The following CCDC117 variants were observed in gnomAD, a reference collection of about 807,000 sequenced individuals.
CCDC117 encodes the protein coiled-coil domain containing 117.
Under a neutral mutation model 23.5 loss-of-function variants are expected in CCDC117, and 1 was observed. The ratio of observed to expected loss-of-function variants is 0.04; its 90% confidence interval spans 0.02 to 0.20. The LOEUF is 0.20. Ranked by LOEUF, CCDC117 falls within the 10% of genes least tolerant of loss-of-function variation. The pLI, the probability that CCDC117 is intolerant of heterozygous loss-of-function variation, is 1.00. For synonymous variants in CCDC117, 132 were observed against 124.8 expected (o/e 1.06, Z -0.39); for missense variants, 383 against 348.2 (o/e 1.10, Z -0.80).
rs769663128 is a variant in CCDC117 at position 28,786,471 on chromosome 22, T to C, written c.*145T>C. 1.0e-5 allele frequency: 6 copies of C among 602,722 alleles called. No homozygotes were observed. Among genetic ancestry groups the C allele is most frequent in the Admixed American group, 6.6e-5 (2 of 30,134 alleles). The allele number at this position is 602,722 out of a possible 1,614,324, so 37.3% of individuals were successfully genotyped here. A position where few individuals can be genotyped will look rare whatever the true frequency, so the allele number is the denominator to read the frequency against. On this transcript the variant is annotated 3_prime_UTR_variant, in exon 5 of 5. Transcript: ENST00000249064. ...CTGTGATTTGGGGGTGGGACTCTTA[T>C]TTTGGGTAGCCATTTATTGACTTCA... is the stretch of plus-strand genomic sequence containing the variant.
intron 4 of CCDC117, among the ~76,000 whole-genome samples, chr22:28,784,589 T>C (rs1307759544): frequency 1.3e-5 from 2 of 152,186 alleles, no homozygotes; most frequent in African/African-American, 4.8e-5. Flanking sequence ...AGCTGCTATT[T>C]GGTCTTTGAT....
Position 28,776,456 on chromosome 22 carries a change from TC to T in CCDC117, c.239+2679del, listed in dbSNP as rs2031163858. 3.3e-5 allele frequency among the ~76,000 whole-genome samples: 5 copies of T among 151,982 alleles called. 1 individual carries two copies. The highest frequency in any genetic ancestry group is 2.6e-4 in the Admixed American group (4 of 15,254). On this transcript the variant is annotated intron_variant, in intron 2 of 4. Coordinates refer to ENST00000249064, the MANE Select transcript of CCDC117 (RefSeq NM_173510.4). ...TTTTTTTTTTTCCCTGGAGTTTTGC[TC>T]TGTTGCTCAGGCTGGAGTGCAGTAG... is the stretch of plus-strand genomic sequence containing the variant.
Position 28,781,343 on chromosome 22 carries a change from T to TTTTTG in CCDC117, c.464+175_464+176insGTTTT, listed in dbSNP as rs2031322568. 1.1e-3 allele frequency among the ~76,000 whole-genome samples: 7 copies of TTTTTG among 6,450 alleles called. 1 individual carries two copies. The highest frequency in any genetic ancestry group is 4.7e-3 in the African/African-American group (4 of 844). 4.2% of individuals were successfully genotyped at this position (6,450 alleles called of 152,430 possible). On this transcript the variant is annotated intron_variant, in intron 3 of 4. Transcript: ENST00000249064. ...TTTTGTTTTTTTGTTTTGTTTTTTTTTTTTTTTTTTTTTTTTTTTTTTTTT... is the reference window on the plus strand; with the variant it reads ...TTTTGTTTTTTTGTTTTGTTTTTTTTTTTTGTTTTTTTTTTTTTTTTTTTTTTTTT...
rs569737043 is a variant in CCDC117 at position 28,784,691 on chromosome 22, G to A, written c.602+1046G>A. Among the ~76,000 whole-genome samples the A allele has an allele frequency of 5.3e-5, 8 of 152,300 alleles. No homozygotes were observed. In the South Asian group the frequency reaches 8.3e-4, roughly 16 times the overall value. On this transcript the variant is annotated intron_variant, in intron 4 of 4. Transcript: ENST00000249064. The stretch of plus-strand genomic sequence containing the variant: ...AAATAGCCAGAAGTAAGCTGGTCAC[G>A]TTGCCCTCCAGCCTAAAATATAGCA...
chr22:28,781,228 T>A (rs978314339), intron 3 of CCDC117, 56 bp downstream of exon 3: 2 of 972,962 alleles, frequency 2.1e-6, no homozygotes, highest in Non-Finnish European at 3.2e-6. Context: ...ATAACTCTGC[T>A]CATATAAGCT....
chr22:28,785,102 G>C (rs2031471926), intron 4 of CCDC117, among the ~76,000 whole-genome samples: 1 of 151,936 alleles, frequency 6.6e-6, no homozygotes, highest in Non-Finnish European at 1.5e-5. Flanking sequence ...TTTTATTTTT[G>C]CTTCGTCTTT....
At chr22:28,781,829 G>C (rs1399206638) in intron 3 of CCDC117, among the ~76,000 whole-genome samples, 2 of 150,514 alleles carry the variant, frequency 1.3e-5, no homozygotes, top group African/African-American at 4.9e-5. Flanking sequence ...TTTTAATAGA[G>C]ATGGGGTTTC....
At chr22:28,782,250 C>CTTTTTTTTTTTTTTTTT (rs34670753) in intron 3 of CCDC117, among the ~76,000 whole-genome samples, 2 of 80,316 alleles carry the variant, frequency 2.5e-5, no homozygotes, top group African/African-American at 1.2e-4. Context: ...TCTACTGAGC[C>CTTTTTTTTTTTTTTTTT]TTTTTTTTTT....
At chr22:28,777,201 A>G (rs1408805098) in intron 2 of CCDC117, among the ~76,000 whole-genome samples, 1 of 151,034 alleles carries the variant, frequency 6.6e-6, no homozygotes, top group Non-Finnish European at 1.5e-5. Flanking sequence ...AATTTTTTGT[A>G]TCTTTGGTAC....
In CCDC117 at chr22:28,772,834, C is replaced by G; in HGVS notation, c.-16C>G. On this transcript the variant is annotated 5_prime_UTR_variant, in exon 1 of 5. Coordinates refer to ENST00000249064, the MANE Select transcript of CCDC117 (RefSeq NM_173510.4). ...GCGGCCGAGGCCGCCGTCGCAGCCT[C>G]CTCGTCTCGCCGGCTATGGCTGCGC... is the stretch of plus-strand genomic sequence containing the variant. 1 of 1,225,804 alleles carries G rather than the reference C, an allele frequency of 8.2e-7. No homozygotes were observed. 75.9% of individuals were successfully genotyped at this position (1,225,804 alleles called of 1,614,324 possible).
At chr22:28,782,773 T>C (rs1480390396) in intron 3 of CCDC117, among the ~76,000 whole-genome samples, 1 of 152,036 alleles carries the variant, frequency 6.6e-6, no homozygotes, top group Non-Finnish European at 1.5e-5. Flanking sequence ...GGTTTTGTGA[T>C]GTTGGCCAGG....
At chr22:28,778,387 C>T (rs2031229861) in intron 2 of CCDC117, among the ~76,000 whole-genome samples, 2 of 152,044 alleles carry the variant, frequency 1.3e-5, no homozygotes, top group South Asian at 2.1e-4. Context: ...GCAGGCAGAT[C>T]ACCTCAGATC....
chr22:28,780,726 A>G (rs1272835060), intron 2 of CCDC117, among the ~76,000 whole-genome samples: 1 of 152,232 alleles, frequency 6.6e-6, no homozygotes, highest in Non-Finnish European at 1.5e-5. Context: ...AACAGGCAGA[A>G]TCTTACAGGT....
chr22:28,783,778 C>A, intron 4 of CCDC117, 133 bp downstream of exon 4: 1 of 841,502 alleles, frequency 1.2e-6, no homozygotes, highest in Non-Finnish European at 1.8e-6. Context: ...TGGCTTTTTC[C>A]TAGTTCATTA....
intron 3 of CCDC117, among the ~76,000 whole-genome samples, chr22:28,783,037 T>C (rs1193089988): frequency 1.3e-5 from 2 of 152,216 alleles, no homozygotes; most frequent in African/African-American, 2.4e-5. Context: ...AACAACCCTC[T>C]GAGTATAGTT....
chr22:28,777,515 T>C (rs80158041), intron 2 of CCDC117, among the ~76,000 whole-genome samples: 2 of 151,544 alleles, frequency 1.3e-5, no homozygotes, highest in Non-Finnish European at 2.9e-5. Flanking sequence ...CTTTTTTTTT[T>C]TCTTTTTTTT....
At chr22:28,782,595 C>G (rs76848398) in intron 3 of CCDC117, among the ~76,000 whole-genome samples, 1 of 152,080 alleles carries the variant, frequency 6.6e-6, no homozygotes, top group Non-Finnish European at 1.5e-5. Flanking sequence ...CCTGCCATCA[C>G]ACCTGGCTAA....
At position 28,788,263 on chromosome 22, in the gene CCDC117, A is replaced by G. The variant is rs998804574; in HGVS notation, c.*1937A>G. On this transcript the variant is annotated 3_prime_UTR_variant, in exon 5 of 5. Coordinates refer to ENST00000249064, the MANE Select transcript of CCDC117 (RefSeq NM_173510.4). The stretch of plus-strand genomic sequence containing the variant: ...ACTTCTGCCTTGTAGTCATTGTTTG[A>G]TGGGACCAACTTGTAAAGTATGAGC... 1 of 152,624 alleles carries G rather than the reference A, an allele frequency of 6.6e-6. No homozygotes were observed. Among genetic ancestry groups the G allele is most frequent in the African/African-American group, 2.4e-5 (1 of 41,446 alleles). The allele number at this position is 152,624 out of a possible 1,614,324, so 9.5% of individuals were successfully genotyped here. A position where few individuals can be genotyped will look rare whatever the true frequency, so the allele number is the denominator to read the frequency against.
At chr22:28,779,191 ATACT>A (rs57250859) in intron 2 of CCDC117, among the ~76,000 whole-genome samples, 36,604 of 151,672 alleles carry the variant, frequency 0.24, 4,965 homozygotes, top group East Asian at 0.48. Flanking sequence ...AAAATATCAC[ATACT>A]TTATTTATTT....
Sources: gnomAD v4.1 joint callset for allele counts (sites outside exome capture counted in the v4.1 genomes callset) on GRCh38, gnomAD v4.1.1 for gene constraint, MANE v1.5 for transcripts, NCBI Gene and HGNC (gene_info 2026-07-23, HGNC 2026-07-21) for gene names.